The following WWOX variants were observed in gnomAD, a reference collection of about 807,000 sequenced individuals.
WWOX encodes WW domain-containing oxidoreductase.
WWOX carries 69 observed loss-of-function variants against 46.2 expected under a neutral mutation model. The ratio of observed to expected loss-of-function variants is 1.49; its 90% CI spans 1.23 to 1.82. The LOEUF (loss-of-function observed/expected upper bound fraction) is 1.82. Ranked by LOEUF, WWOX falls within the 40% of genes most tolerant of loss-of-function variation. The probability of loss-of-function intolerance (pLI) is 0.00; values close to 1 mark genes in which losing one functional copy is unlikely to be tolerated. For synonymous variants in WWOX, 359 were observed against 202.6 expected (o/e 1.77, Z -6.56); for missense variants, 919 against 542.6 (o/e 1.69, Z -6.89).
At chr16:78,858,701 A>G (rs972634720) in intron 8 of WWOX, among the ~76,000 whole-genome samples, 2 of 151,472 alleles carry the variant, frequency 1.3e-5, no homozygotes, top group Non-Finnish European at 2.9e-5. Context: ...TTTTTTTGAG[A>G]TAGTGTCTTA....
At position 78,256,007 on chromosome 16, in the gene WWOX, G is replaced by A. The variant is rs994773535; in HGVS notation, c.516+91718G>A. Among the ~76,000 whole-genome samples the A allele has an allele frequency of 1.2e-3, 175 of 151,688 alleles. 3 individuals are homozygous for A. The highest frequency in any genetic ancestry group is 1.9e-4 in the East Asian group (1 of 5,132). ...TCTATTAAAAATACATAAATTAGTC[G>A]GGCATGGTGGCATGTGCCTGTAGTC... On this transcript the variant is annotated intron_variant, in intron 5 of 8. Transcript: ENST00000566780.
At chr16:78,413,527 A>G (rs969267780) in intron 6 of WWOX, among the ~76,000 whole-genome samples, 1 of 152,164 alleles carries the variant, frequency 6.6e-6, no homozygotes, top group East Asian at 1.9e-4. Context: ...GGTGGTGGAG[A>G]TTACAAAGTA....
In WWOX at chr16:78,520,912, G is replaced by A. The variant is rs1389484928; in HGVS notation, c.1056+88160G>A. Among the ~76,000 whole-genome samples the A allele has an allele frequency of 3.3e-5, 5 of 152,272 alleles. No individual in the cohort carries two copies. The East Asian group carries it at 9.7e-4, about 29-fold the overall frequency. ...TTTGCCATGGTGTTAACAAGCAAAA[G>A]AAGACAAAAGAGCTCAAAATAGACA... On this transcript the variant is annotated intron_variant, in intron 8 of 8. Transcript: ENST00000566780.
intron 8 of WWOX, among the ~76,000 whole-genome samples, chr16:78,755,719 A>G (rs766427100): frequency 2.0e-5 from 3 of 152,178 alleles, no homozygotes; most frequent in Non-Finnish European, 4.4e-5. Context: ...TTGATAGTTC[A>G]GTACCCGCTA....
intron 8 of WWOX, among the ~76,000 whole-genome samples, chr16:78,499,940 G>T (rs903350730): frequency 6.6e-6 from 1 of 152,124 alleles, no homozygotes; most frequent in Non-Finnish European, 1.5e-5. Context: ...AGTACCAAAT[G>T]GTCCTTACCG....
chr16:78,362,287 G>C (rs1045672482), intron 5 of WWOX, among the ~76,000 whole-genome samples: 1 of 152,028 alleles, frequency 6.6e-6, no homozygotes, highest in Admixed American at 6.6e-5. Context: ...GACACAGCAA[G>C]GTGATGATGG....
At position 78,935,683 on chromosome 16, in the gene WWOX, C is replaced by T. The variant is rs546951223; in HGVS notation, c.1057-275925C>T. Among the ~76,000 whole-genome samples, 191 of 151,886 alleles carry T rather than the reference C, an allele frequency of 1.3e-3. 1 individual carries two copies. The highest frequency in any genetic ancestry group is 1.8e-3 in the Non-Finnish European group (122 of 67,986). On this transcript the variant is annotated intron_variant, in intron 8 of 8. Transcript: ENST00000566780. Reference sequence around the variant, plus strand: ...TGACGAGTTAATGGGTGCAGCACACCGACATGGCACATGTATACTTATGTA... The same window carrying T: ...TGACGAGTTAATGGGTGCAGCACACTGACATGGCACATGTATACTTATGTA...
intron 6 of WWOX, among the ~76,000 whole-genome samples, chr16:78,399,745 C>A (rs1011541672): frequency 3.9e-5 from 6 of 152,126 alleles, no homozygotes; most frequent in African/African-American, 1.4e-4. Flanking sequence ...TGGTTTTTCT[C>A]CTCTTAGCAT....
At chr16:78,488,622 A>T (rs577860346) in intron 8 of WWOX, among the ~76,000 whole-genome samples, 2 of 152,054 alleles carry the variant, frequency 1.3e-5, no homozygotes, top group Non-Finnish European at 2.9e-5. Context: ...GTGATATACA[A>T]TGTCAGTGCT....
intron 8 of WWOX, among the ~76,000 whole-genome samples, chr16:78,635,846 G>C (rs2151667126): frequency 6.6e-6 from 1 of 152,300 alleles, no homozygotes; most frequent in Admixed American, 6.5e-5. Context: ...TTTCCTTGCA[G>C]ATATCATTGG....
intron 8 of WWOX, chr16:78,890,988 AT>A (rs1199532865): frequency 1.3e-5 from 2 of 152,176 alleles, no homozygotes; most frequent in Non-Finnish European, 2.9e-5. Context: ...AGTGGGCCTC[AT>A]TCTGACAAAT....
intron 8 of WWOX, among the ~76,000 whole-genome samples, chr16:78,744,552 C>T (rs1817160666): frequency 6.6e-6 from 1 of 151,152 alleles, no homozygotes. Flanking sequence ...TTGCCTCAGC[C>T]TCCCGAGTAG....
intron 8 of WWOX, among the ~76,000 whole-genome samples, chr16:78,784,545 C>G (rs898736159): frequency 1.5e-4 from 23 of 151,874 alleles, no homozygotes; most frequent in Admixed American, 9.9e-4. Flanking sequence ...TGAGCTCAGT[C>G]TCCTCATCTA....
At chr16:79,162,228 G>A (rs867520450) in intron 8 of WWOX, among the ~76,000 whole-genome samples, 1 of 152,160 alleles carries the variant, frequency 6.6e-6, no homozygotes, top group Admixed American at 6.5e-5. Flanking sequence ...TGTATCATTC[G>A]TTCAGCCATT....
chr16:79,051,068 A>G (rs1456775500), intron 8 of WWOX, among the ~76,000 whole-genome samples: 1 of 152,228 alleles, frequency 6.6e-6, no homozygotes, highest in Non-Finnish European at 1.5e-5. Context: ...TGTAGCCATT[A>G]TATTTGCTGC....
At chr16:78,200,765 G>A (rs912217127) in intron 5 of WWOX, among the ~76,000 whole-genome samples, 1 of 151,858 alleles carries the variant, frequency 6.6e-6, no homozygotes, top group Non-Finnish European at 1.5e-5. Flanking sequence ...CCGTCCACTC[G>A]GTTATATGTG....
At chr16:78,857,589 A>T (rs867601170) in intron 8 of WWOX, among the ~76,000 whole-genome samples, 8 of 152,332 alleles carry the variant, frequency 5.3e-5, no homozygotes, top group Admixed American at 6.5e-5. Flanking sequence ...TAGTGACCTT[A>T]AACCAAATGT....
intron 7 of WWOX, 56 bp from the exon 8 acceptor site, chr16:78,432,432 A>T: frequency 1.2e-6 from 2 of 1,602,912 alleles, no homozygotes; most frequent in Non-Finnish European, 1.7e-6. Context: ...TAAAAATAAA[A>T]AGCTGTGTGG....
intron 8 of WWOX, among the ~76,000 whole-genome samples, chr16:78,905,254 G>C (rs371675995): frequency 1.3e-5 from 2 of 152,138 alleles, no homozygotes; most frequent in Non-Finnish European, 2.9e-5. Flanking sequence ...AGAAAATTGC[G>C]TGCTAATTTC....
Sources: allele counts gnomAD v4.1 joint callset (sites outside exome capture counted in the v4.1 genomes callset), GRCh38; gene constraint gnomAD v4.1.1; transcripts MANE v1.5; gene names NCBI Gene and HGNC (gene_info 2026-07-23, HGNC 2026-07-21).